Variants in TBX5 observed in about 807,000 individuals in gnomAD.
TBX5 encodes the protein T-box transcription factor 5.
A neutral mutation model predicts 51.1 loss-of-function variants in TBX5; 8 were observed. The observed-to-expected ratio is 0.16, with a 90% CI of 0.09 to 0.28. TBX5 has a LOEUF of 0.28. Among genes scored for constraint, TBX5 ranks in the 10% least tolerant of loss-of-function variants. The probability of loss-of-function intolerance (pLI) is 1.00; values close to 1 mark genes in which losing one functional copy is unlikely to be tolerated. For missense variants in TBX5, 589 were observed against 671.7 expected, an observed-to-expected ratio of 0.88 and a Z score of 1.36; for synonymous variants, 302 against 266.4, an observed-to-expected ratio of 1.13 and a Z score of -1.30.
intron 7 of TBX5, among the ~76,000 whole-genome samples, chr12:114,372,421 C>T (rs2136382210): frequency 6.6e-6 from 1 of 152,112 alleles, no homozygotes; most frequent in Non-Finnish European, 1.5e-5. Context: ...CCTCCTGCTT[C>T]AGCCTCCCAG....
chr12:114,380,932 G>C (rs1440884215), intron 7 of TBX5, among the ~76,000 whole-genome samples: 1 of 151,294 alleles, frequency 6.6e-6, no homozygotes, highest in Non-Finnish European at 1.5e-5. Context: ...TTTTTTTTAA[G>C]ACACAGATTG....
chr12:114,356,536 C>G (rs907011274), intron 8 of TBX5, among the ~76,000 whole-genome samples: 5 of 152,014 alleles, frequency 3.3e-5, no homozygotes, highest in Non-Finnish European at 5.9e-5. Context: ...TTGAGACCAG[C>G]CTGGGCAACA....
At chr12:114,401,189 G>A (rs1337594420) in intron 3 of TBX5, among the ~76,000 whole-genome samples, 1 of 152,164 alleles carries the variant, frequency 6.6e-6, no homozygotes, top group African/African-American at 2.4e-5. Flanking sequence ...AGCTTTTAAG[G>A]GGAACTCCGG....
rs966461774 is a variant in TBX5, at chr12:114,405,806, A to C, written c.-217T>G. On this transcript the variant is annotated 5_prime_UTR_variant, in exon 1 of 9. Transcript: ENST00000405440. The stretch of plus-strand genomic sequence containing the variant: ...ACCTACCGCTGGAGCCTCCGCGGCG[A>C]CTGCCCACCTCCAACACACACCTCC... The C allele has an allele frequency of 1.0e-6, 1 of 985,406 alleles. No homozygotes were observed. 61.0% of individuals were successfully genotyped at this position (985,406 alleles called of 1,614,324 possible).
chr12:114,403,644 G>A, intron 2 of TBX5, 108 bp downstream of exon 2: 1 of 1,489,208 alleles, frequency 6.7e-7, no homozygotes, highest in Non-Finnish European at 9.0e-7. Flanking sequence ...TTCGTTTTGG[G>A]GTTTTTTTAT....
At chr12:114,381,191 A>G (rs180840684) in intron 7 of TBX5, among the ~76,000 whole-genome samples, 39 of 152,348 alleles carry the variant, frequency 2.6e-4, no homozygotes, top group Non-Finnish European at 1.8e-4. Context: ...AAGCAAATCC[A>G]AAAGTTATTT....
chr12:114,386,593 G>A (rs1355978206), intron 6 of TBX5, among the ~76,000 whole-genome samples: 3 of 152,116 alleles, frequency 2.0e-5, no homozygotes, highest in African/African-American at 4.8e-5. Context: ...ACACAAATAT[G>A]ATATCACTTC....
intron 3 of TBX5, 88 bp downstream of exon 3, chr12:114,401,738 T>C: frequency 8.0e-7 from 1 of 1,247,282 alleles, no homozygotes; most frequent in Admixed American, 1.7e-5. Flanking sequence ...GCCCCTTTCC[T>C]TCCTTCTTCT....
intron 5 of TBX5, among the ~76,000 whole-genome samples, chr12:114,397,728 A>G (rs1871513663): frequency 6.6e-6 from 1 of 152,160 alleles, no homozygotes; most frequent in Admixed American, 6.5e-5. Flanking sequence ...ACCCTGGTTT[A>G]CATTCGCCTG....
rs762687473 is a variant in TBX5 at position 114,355,661 on chromosome 12, C to A, written c.1428G>T (p.Leu476=). Residue 476 remains leucine (L), a synonymous_variant, in exon 9 of 9, where the codon CTG becomes CTT. Coordinates refer to ENST00000405440, the MANE Select transcript of TBX5 (RefSeq NM_181486.4). ...GGGGCTGAAGGGTGCCAGGGGACTG[C>A]AGGCCAGTCTGAGGCCCACACTGCC... ...VVRQCGPQTG[L]QSPGTLQPPE... The A allele has an allele frequency of 6.2e-7, 1 of 1,614,046 alleles. No individual in the cohort carries two copies. Among genetic ancestry groups the A allele is most frequent in the African/African-American group, 1.3e-5 (1 of 74,940 alleles).
At chr12:114,391,729 A>C (rs1435129256) in intron 6 of TBX5, among the ~76,000 whole-genome samples, 1 of 152,240 alleles carries the variant, frequency 6.6e-6, no homozygotes, top group Non-Finnish European at 1.5e-5. Flanking sequence ...CTCAACACCC[A>C]GTCCAGGTGG....
At chr12:114,361,954 T>C (rs1424819692) in intron 8 of TBX5, among the ~76,000 whole-genome samples, 1 of 152,098 alleles carries the variant, frequency 6.6e-6, no homozygotes, top group Admixed American at 6.5e-5. Flanking sequence ...GCATACCCCA[T>C]TCACCCTGAG....
chr12:114,403,411 G>A (rs978752631), intron 2 of TBX5, among the ~76,000 whole-genome samples: 1 of 152,200 alleles, frequency 6.6e-6, no homozygotes, highest in Non-Finnish European at 1.5e-5. Context: ...TCTACACATA[G>A]TGCAGAGGGA....
At chr12:114,396,801 G>A (rs1177132244) in intron 5 of TBX5, among the ~76,000 whole-genome samples, 1 of 152,150 alleles carries the variant, frequency 6.6e-6, no homozygotes, top group Non-Finnish European at 1.5e-5. Flanking sequence ...CATCTGCTGG[G>A]GACTGGCAGA....
chr12:114,402,295 AG>A (rs1871880619), intron 2 of TBX5, among the ~76,000 whole-genome samples: 2 of 152,072 alleles, frequency 1.3e-5, no homozygotes, highest in African/African-American at 4.8e-5. Context: ...AAAAAAAACC[AG>A]AGCCAATTTC....
At chr12:114,362,603 C>A (rs1414620054) in intron 8 of TBX5, among the ~76,000 whole-genome samples, 1 of 152,204 alleles carries the variant, frequency 6.6e-6, no homozygotes, top group Admixed American at 6.5e-5. Context: ...GACTGACACT[C>A]CAGTTTGATA....
chr12:114,358,616 G>A (rs1381806551), intron 8 of TBX5, among the ~76,000 whole-genome samples: 1 of 151,608 alleles, frequency 6.6e-6, no homozygotes, highest in African/African-American at 2.4e-5. Context: ...GCCACATATG[G>A]GACTTATAGG....
At position 114,376,720 on chromosome 12, in the gene TBX5, G is replaced by A. The variant is rs181915956; in HGVS notation, c.755+8756C>T. On this transcript the variant is annotated intron_variant, in intron 7 of 8. Coordinates refer to ENST00000405440, the MANE Select transcript of TBX5 (RefSeq NM_181486.4). ...GGTAACTATATGAGGTGCTGAATAT[G>A]TTAATTAGCTTGATTATGGTAATTA... Among the ~76,000 whole-genome samples, 493 of 151,674 alleles carry A rather than the reference G, an allele frequency of 3.3e-3. 3 individuals carry two copies. The highest frequency in any genetic ancestry group is 0.011 in the African/African-American group (468 of 41,406).
At chr12:114,400,226 C>T (rs1871723184) in intron 3 of TBX5, among the ~76,000 whole-genome samples, 1 of 152,190 alleles carries the variant, frequency 6.6e-6, no homozygotes, top group Admixed American at 6.5e-5. Flanking sequence ...TGACATGGGT[C>T]TCTAGCAGGA....
Sources: allele counts gnomAD v4.1 joint callset (sites outside exome capture counted in the v4.1 genomes callset), GRCh38; gene constraint gnomAD v4.1.1; transcripts MANE v1.5; gene names NCBI Gene and HGNC (gene_info 2026-07-23, HGNC 2026-07-21).